Variants in NCOA1 observed in about 807,000 individuals in gnomAD.
The protein encoded by NCOA1 is nuclear receptor coactivator 1, also known as Hin-2 protein.
A neutral mutation model predicts 150.9 loss-of-function variants in NCOA1; 35 were observed. The ratio of observed to expected loss-of-function variants is 0.23; its 90% CI spans 0.18 to 0.31. The LOEUF is 0.31. Ranked by LOEUF, NCOA1 falls within the 10% of genes least tolerant of loss-of-function variation. The pLI is 1.00. For synonymous variants in NCOA1, 590 were observed against 630.0 expected (o/e 0.94, Z 0.95); for missense variants, 1,491 against 1,749.3 (o/e 0.85, Z 2.63).
intron 1 of NCOA1, among the ~76,000 whole-genome samples, chr2:24,516,302 C>T (rs1572371087): frequency 6.7e-6 from 1 of 148,638 alleles, no homozygotes; most frequent in East Asian, 2.0e-4. Context: ...ACACCATTCT[C>T]CTGCCTCAGC....
chr2:24,678,023 A>G (rs1572578993), intron 7 of NCOA1, among the ~76,000 whole-genome samples: 1 of 150,538 alleles, frequency 6.6e-6, no homozygotes, highest in South Asian at 2.1e-4. Context: ...TCTTCCTCAT[A>G]CTCCCCCTCC....
chr2:24,615,892 T>C (rs1241305871), intron 3 of NCOA1, among the ~76,000 whole-genome samples: 1 of 152,166 alleles, frequency 6.6e-6, no homozygotes, highest in Non-Finnish European at 1.5e-5. Flanking sequence ...AATTTGTCAT[T>C]ACTACAAAGG....
intron 21 of NCOA1, among the ~76,000 whole-genome samples, chr2:24,759,911 A>G (rs1311096528): frequency 6.6e-6 from 1 of 151,742 alleles, no homozygotes; most frequent in African/African-American, 2.4e-5. Flanking sequence ...CCTGCAATTT[A>G]TTATTTTTTC....
chr2:24,647,836 G>T (rs1024567613), intron 4 of NCOA1, among the ~76,000 whole-genome samples: 1 of 152,158 alleles, frequency 6.6e-6, no homozygotes, highest in Non-Finnish European at 1.5e-5. Context: ...GCCTATAGTC[G>T]AAATATTTGA....
Position 24,707,836 on chromosome 2 carries a change from C to G in NCOA1, c.2366C>G (p.Thr789Ser). 2 of 1,612,726 alleles carry G rather than the reference C, an allele frequency of 1.2e-6. No individual in the cohort carries two copies. Among genetic ancestry groups the G allele is most frequent in the East Asian group, 4.5e-5 (2 of 44,880 alleles). ...ATGGATCCATGTAATACAAACCCAA[C>G]CCCAATGACCAAACCCACTCCTGAG... ...EQMDPCNTNP[T>S]PMTKPTPEEI... The change falls in exon 13 of 23, where the codon ACC becomes AGC. Residue 789 changes from threonine to serine, a missense_variant. Physicochemically the swap from Thr to Ser is moderately conservative, Grantham distance 58. Around this residue, in one of 8 missense-constraint regions of NCOA1, gnomAD observed 703 missense variants for 717.7 expected, o/e 0.98. Transcript: ENST00000348332.
At chr2:24,561,823 C>T (rs1558795776) in intron 1 of NCOA1, among the ~76,000 whole-genome samples, 1 of 151,952 alleles carries the variant, frequency 6.6e-6, no homozygotes, top group Non-Finnish European at 1.5e-5. Flanking sequence ...AAATTAAAAC[C>T]TACAAAGAAA....
Position 24,705,309 on chromosome 2 carries a change from T to C in NCOA1, c.1097+76T>C, listed in dbSNP as rs919042093. The C allele has an allele frequency of 3.4e-6, 5 of 1,450,192 alleles. No individual in the cohort carries two copies. In the African/African-American group the frequency reaches 7.1e-5, roughly 21 times the overall value. 89.8% of individuals were successfully genotyped at this position (1,450,192 alleles called of 1,614,324 possible). A position where few individuals can be genotyped will look rare whatever the true frequency, so the allele number is the denominator to read the frequency against. ...CTTATTAGAGAAATTTTTTATACTCTTGATGGCTAGAAAGCAGAAATTCTA... is the reference window on the plus strand; with the variant it reads ...CTTATTAGAGAAATTTTTTATACTCCTGATGGCTAGAAAGCAGAAATTCTA... On this transcript the variant is annotated intron_variant, in intron 12 of 22. Transcript: ENST00000348332.
At chr2:24,603,338 A>C (rs1040181860) in intron 3 of NCOA1, among the ~76,000 whole-genome samples, 9 of 152,182 alleles carry the variant, frequency 5.9e-5, no homozygotes, top group African/African-American at 2.2e-4. Flanking sequence ...TGAAGATTGG[A>C]ATGCTTGTGG....
intron 21 of NCOA1, among the ~76,000 whole-genome samples, chr2:24,760,120 TCTTGC>T (rs1451173250): frequency 6.6e-6 from 1 of 150,688 alleles, no homozygotes; most frequent in Admixed American, 6.6e-5. Flanking sequence ...TGCCTGAGGG[TCTTGC>T]TTTAACTTTT....
chr2:24,675,134 C>A (rs918214998), intron 7 of NCOA1, among the ~76,000 whole-genome samples: 9 of 152,076 alleles, frequency 5.9e-5, no homozygotes, highest in African/African-American at 1.7e-4. Context: ...TTTTTTAATT[C>A]TGTGCACATT....
intron 4 of NCOA1, among the ~76,000 whole-genome samples, chr2:24,654,630 A>G (rs528293050): frequency 3.5e-4 from 53 of 152,270 alleles, no homozygotes; most frequent in African/African-American, 1.2e-3. Flanking sequence ...GTCAAATCCT[A>G]TCATCCTTCT....
chr2:24,648,011 C>T (rs562464505), intron 4 of NCOA1, among the ~76,000 whole-genome samples: 1 of 152,294 alleles, frequency 6.6e-6, no homozygotes, highest in East Asian at 1.9e-4. Flanking sequence ...TTGAGTTTCA[C>T]TTGTTCCAAG....
chr2:24,734,218 CA>C, intron 17 of NCOA1, among the ~76,000 whole-genome samples: 1 of 150,492 alleles, frequency 6.6e-6, no homozygotes, highest in Middle Eastern at 3.5e-3. Context: ...TCACACTGTT[CA>C]AAACTTAGAA....
At chr2:24,659,869 A>G (rs1417126720) in intron 5 of NCOA1, among the ~76,000 whole-genome samples, 1 of 152,074 alleles carries the variant, frequency 6.6e-6, no homozygotes, top group Non-Finnish European at 1.5e-5. Context: ...ACATTGCCAA[A>G]TGTCCCCTGG....
At chr2:24,744,044 A>G (rs1182884030) in intron 19 of NCOA1, among the ~76,000 whole-genome samples, 2 of 152,184 alleles carry the variant, frequency 1.3e-5, no homozygotes, top group East Asian at 1.9e-4. Context: ...CCCGGTTCTC[A>G]TGAAATTGAC....
intron 1 of NCOA1, among the ~76,000 whole-genome samples, chr2:24,512,502 G>A (rs924916624): frequency 6.6e-6 from 1 of 152,172 alleles, no homozygotes; most frequent in South Asian, 2.1e-4. Context: ...TGGCTAGAAA[G>A]TTTATTCTTT....
chr2:24,567,730 T>C (rs1012469155), intron 2 of NCOA1, among the ~76,000 whole-genome samples: 1 of 152,242 alleles, frequency 6.6e-6, no homozygotes, highest in Non-Finnish European at 1.5e-5. Context: ...TGCTTAAATT[T>C]TTAAATTAGG....
At chr2:24,662,094 AAC>A (rs1303605206) in intron 5 of NCOA1, among the ~76,000 whole-genome samples, 5 of 152,226 alleles carry the variant, frequency 3.3e-5, no homozygotes, top group African/African-American at 1.2e-4. Flanking sequence ...ATAATTTTGA[AAC>A]TGAGTTTATG....
At chr2:24,576,723 T>C (rs941361545) in intron 2 of NCOA1, among the ~76,000 whole-genome samples, 7 of 152,196 alleles carry the variant, frequency 4.6e-5, no homozygotes, top group African/African-American at 1.7e-4. Context: ...AACAAGTTGG[T>C]TTGATCTCAG....
Sources: allele counts gnomAD v4.1 joint callset (sites outside exome capture counted in the v4.1 genomes callset), GRCh38; gene constraint gnomAD v4.1.1; regional missense constraint gnomAD v4.1.1; transcripts MANE v1.5; gene names NCBI Gene and HGNC (gene_info 2026-07-23, HGNC 2026-07-21).